The following MSANTD2 variants were observed in gnomAD, a reference collection of about 807,000 sequenced individuals.
MSANTD2 encodes the protein Myb/SANT DNA binding domain containing 2.
In MSANTD2, 19 loss-of-function variants were observed where a neutral mutation model predicts 52.6. The ratio of observed to expected loss-of-function variants is 0.36; its 90% CI spans 0.25 to 0.53. MSANTD2 has a LOEUF of 0.53. Ranked by LOEUF, MSANTD2 falls within the 20% of genes least tolerant of loss-of-function variation. The pLI, the probability that MSANTD2 is intolerant of heterozygous loss-of-function variation, is 0.91. For missense variants in MSANTD2, 558 were observed against 716.3 expected, an observed-to-expected ratio of 0.78 and a Z score of 2.52; for synonymous variants, 291 against 289.7, an observed-to-expected ratio of 1.00 and a Z score of -0.04.
chr11:124,775,395 G>A (rs1470054094), intron 1 of MSANTD2: 1 of 160,314 alleles, frequency 6.2e-6, no homozygotes, highest in African/African-American at 2.4e-5. Flanking sequence ...AGGGAGGACA[G>A]AAAGAAGAAT....
At chr11:124,769,718 T>G (rs1184767022) in intron 3 of MSANTD2, among the ~76,000 whole-genome samples, 1 of 152,216 alleles carries the variant, frequency 6.6e-6, no homozygotes. Flanking sequence ...CAGGTTCAGC[T>G]AATCCCACCT....
chr11:124,781,770 A>G (rs1194830324), intron 1 of MSANTD2, among the ~76,000 whole-genome samples: 1 of 150,950 alleles, frequency 6.6e-6, no homozygotes, highest in Non-Finnish European at 1.5e-5. Context: ...CTCTTGCCTC[A>G]GCCTCCCGAG....
intron 1 of MSANTD2, among the ~76,000 whole-genome samples, chr11:124,787,040 T>C (rs775609294): frequency 4.3e-4 from 65 of 152,220 alleles, no homozygotes; most frequent in Non-Finnish European, 8.2e-4. Flanking sequence ...TAACAGTACC[T>C]CCATCATAGA....
chr11:124,766,514 A>G lies in MSANTD2; in HGVS notation c.*662T>C, dbSNP rs910791321. The G allele has an allele frequency of 4.1e-5, 3 of 73,206 alleles. No homozygotes were observed. The African/African-American group carries it at 4.3e-4, about 11-fold the overall frequency. The allele number at this position is 73,206 out of a possible 1,614,324, so 4.5% of individuals were successfully genotyped here. On this transcript the variant is annotated 3_prime_UTR_variant, in exon 4 of 4. Transcript: ENST00000374979. ...ACGCCAAGGGGCCAGGAATTACTTTAATTTTTTTTTTTTAAAAAAAGGTTT... is the reference window on the plus strand; with the variant it reads ...ACGCCAAGGGGCCAGGAATTACTTTGATTTTTTTTTTTTAAAAAAAGGTTT...
chr11:124,782,285 TAA>T (rs56183065), intron 1 of MSANTD2, among the ~76,000 whole-genome samples: 5 of 141,186 alleles, frequency 3.5e-5, no homozygotes, highest in African/African-American at 2.6e-5. Context: ...TGTCTCTACT[TAA>T]AAAAAAAAAA....
At chr11:124,785,701 G>T (rs1167395968) in intron 1 of MSANTD2, among the ~76,000 whole-genome samples, 1 of 152,022 alleles carries the variant, frequency 6.6e-6, no homozygotes, top group African/African-American at 2.4e-5. Flanking sequence ...GCTGGGGGGG[G>T]ACTAGCGTCT....
chr11:124,777,565 T>C (rs1323310503), intron 1 of MSANTD2, among the ~76,000 whole-genome samples: 1 of 152,228 alleles, frequency 6.6e-6, no homozygotes, highest in Non-Finnish European at 1.5e-5. Context: ...TAGCAGTATC[T>C]AATGGTTACA....
intron 1 of MSANTD2, among the ~76,000 whole-genome samples, chr11:124,793,119 T>C (rs1462964469): frequency 6.6e-6 from 1 of 152,208 alleles, no homozygotes; most frequent in Non-Finnish European, 1.5e-5. Context: ...TTCCCCCTCT[T>C]ATTTATATTG....
chr11:124,785,183 C>A (rs990349808), intron 1 of MSANTD2, among the ~76,000 whole-genome samples: 2 of 152,130 alleles, frequency 1.3e-5, no homozygotes, highest in African/African-American at 4.8e-5. Context: ...TATTTCTGTA[C>A]CTTCTACAAA....
intron 1 of MSANTD2, among the ~76,000 whole-genome samples, chr11:124,789,063 G>A (rs377566157): frequency 3.3e-5 from 5 of 152,152 alleles, no homozygotes; most frequent in Non-Finnish European, 7.4e-5. Flanking sequence ...TTAATGGGGT[G>A]CAATACATCT....
intron 3 of MSANTD2, among the ~76,000 whole-genome samples, chr11:124,768,415 C>T (rs1271551398): frequency 2.6e-5 from 4 of 152,114 alleles, no homozygotes; most frequent in Non-Finnish European, 5.9e-5. Flanking sequence ...TTTAAAGTGG[C>T]TATTATGTCT....
intron 1 of MSANTD2, chr11:124,791,239 G>T: frequency 1.4e-6 from 2 of 1,426,678 alleles, no homozygotes; most frequent in Non-Finnish European, 2.0e-6. Context: ...CATCAATGGG[G>T]TCACAACAAG....
chr11:124,783,609 G>T, intron 1 of MSANTD2: 1 of 528,748 alleles, frequency 1.9e-6, no homozygotes, highest in Non-Finnish European at 2.4e-6. Flanking sequence ...GACAGAGTGA[G>T]ACTCTGTCTC....
At chr11:124,799,650 G>A (rs1050313620) in intron 1 of MSANTD2, among the ~76,000 whole-genome samples, 3 of 152,222 alleles carry the variant, frequency 2.0e-5, no homozygotes, top group Admixed American at 6.5e-5. Context: ...GAGGGGCGGC[G>A]GCAGGCACGC....
At position 124,774,690 on chromosome 11, in the gene MSANTD2, A is replaced by T; in HGVS notation, c.766+29T>A. 3.7e-6 allele frequency: 6 copies of T among 1,605,906 alleles called. No individual in the cohort carries two copies. Among genetic ancestry groups the T allele is most frequent in the Non-Finnish European group, 5.1e-6 (6 of 1,174,296 alleles). On this transcript the variant is annotated intron_variant, in intron 2 of 3. Transcript: ENST00000374979. The surrounding 1 kb of genome is among the most constrained non-coding windows in gnomAD (Gnocchi z 5.1). ...TAAAGGTATATAAATATACACAAAC[A>T]TAAGTATCATATATGTTGGCTTTCT...
At chr11:124,783,128 ATCGGGTCAAACAGAATGAC>A (rs1178870036) in intron 1 of MSANTD2, among the ~76,000 whole-genome samples, 1 of 152,140 alleles carries the variant, frequency 6.6e-6, no homozygotes, top group East Asian at 1.9e-4. Context: ...TCTGATTTTA[ATCGGGTCAAACAGAATGAC>A]CACCACAAAC....
chr11:124,769,657 T>C (rs1205275296), intron 3 of MSANTD2, among the ~76,000 whole-genome samples: 1 of 152,208 alleles, frequency 6.6e-6, no homozygotes, highest in Non-Finnish European at 1.5e-5. Context: ...TGACATATAG[T>C]AGGCACTTGA....
chr11:124,794,437 T>C (rs1945428546), intron 1 of MSANTD2, among the ~76,000 whole-genome samples: 1 of 152,268 alleles, frequency 6.6e-6, no homozygotes, highest in East Asian at 1.9e-4. Context: ...ATAAGCAAAC[T>C]GGAAGGCACA....
chr11:124,799,646 C>T (rs1286468302), intron 1 of MSANTD2, among the ~76,000 whole-genome samples: 5 of 152,186 alleles, frequency 3.3e-5, no homozygotes, highest in Non-Finnish European at 7.3e-5. Flanking sequence ...GAAAGAGGGG[C>T]GGCGGCAGGC....
Sources: allele counts gnomAD v4.1 joint callset (sites outside exome capture counted in the v4.1 genomes callset), GRCh38; gene constraint gnomAD v4.1.1; non-coding constraint Gnocchi (gnomAD v3.1); transcripts MANE v1.5; gene names NCBI Gene and HGNC (gene_info 2026-07-23, HGNC 2026-07-21).